The following PARVB variants were observed in gnomAD, a reference collection of about 807,000 sequenced individuals.
PARVB encodes the protein beta-parvin.
A neutral mutation model predicts 47.0 loss-of-function variants in PARVB; 46 were observed. The observed-to-expected ratio is 0.98, with a 90% CI of 0.77 to 1.25. The LOEUF is 1.25. Ranked by LOEUF, PARVB falls within the 50% of genes most tolerant of loss-of-function variation. The pLI is 0.00. For missense variants in PARVB, 473 were observed against 471.6 expected, an observed-to-expected ratio of 1.00 and a Z score of -0.03; for synonymous variants, 196 against 196.3, an observed-to-expected ratio of 1.00 and a Z score of 0.01.
At chr22:44,122,556 C>CAGAGAGAG (rs1569134550) in intron 4 of PARVB, among the ~76,000 whole-genome samples, 1 of 46,080 alleles carries the variant, frequency 2.2e-5, no homozygotes, top group Non-Finnish European at 4.3e-5. Context: ...GAGAGAGACA[C>CAGAGAGAG]AGAGACAGAG....
At chr22:44,053,443 C>T (rs2051248509) in intron 1 of PARVB, among the ~76,000 whole-genome samples, 1 of 152,210 alleles carries the variant, frequency 6.6e-6, no homozygotes, top group Non-Finnish European at 1.5e-5. Context: ...CTGCTGCTCC[C>T]TGTGGCTTTC....
chr22:44,016,227 G>A (rs879821400), intron 2 of PARVB, among the ~76,000 whole-genome samples: 56 of 151,822 alleles, frequency 3.7e-4, no homozygotes, highest in African/African-American at 1.2e-3. Flanking sequence ...CTCCCGAGTA[G>A]CTGGGACTAC....
At chr22:44,058,202 C>A (rs554582679) in intron 1 of PARVB, among the ~76,000 whole-genome samples, 1 of 152,314 alleles carries the variant, frequency 6.6e-6, no homozygotes, top group South Asian at 2.1e-4. Context: ...GACCAGAAGT[C>A]CAAGATCAAG....
intron 1 of PARVB, chr22:44,069,154 T>A: frequency 6.2e-7 from 1 of 1,612,440 alleles, no homozygotes; most frequent in Non-Finnish European, 8.5e-7. Context: ...AGCTGCACCC[T>A]CCTCGCCAGT....
chr22:44,054,359 C>A (rs576892065), intron 1 of PARVB, among the ~76,000 whole-genome samples: 1 of 152,156 alleles, frequency 6.6e-6, no homozygotes, highest in African/African-American at 2.4e-5. Context: ...GCACTACAGC[C>A]GCGCACTACA....
intron 1 of PARVB, among the ~76,000 whole-genome samples, chr22:44,042,967 C>T (rs759792327): frequency 4.6e-5 from 7 of 152,118 alleles, no homozygotes; most frequent in East Asian, 1.9e-4. Context: ...GGTTTACTGG[C>T]GCACTCTGTG....
upstream of PARVB, among the ~76,000 whole-genome samples, chr22:44,022,138 C>T (rs188273250): frequency 1.4e-3 from 211 of 152,194 alleles, no homozygotes; most frequent in Non-Finnish European, 3.1e-4. Context: ...TTTCCTCCAC[C>T]GTGCCTGCCT....
At chr22:44,129,521 G>T (rs914747494) in intron 4 of PARVB, among the ~76,000 whole-genome samples, 1 of 152,194 alleles carries the variant, frequency 6.6e-6, no homozygotes, top group Non-Finnish European at 1.5e-5. Flanking sequence ...CCTGGTGGGC[G>T]AGGCTCTCAG....
intron 1 of PARVB, among the ~76,000 whole-genome samples, chr22:44,054,990 CAAAAA>C (rs3083343): frequency 1.1e-4 from 8 of 70,098 alleles, no homozygotes; most frequent in African/African-American, 3.0e-4. Context: ...AACTCCATCT[CAAAAA>C]AAAAAAAAAA....
intron 9 of PARVB, 178 bp from the exon 10 acceptor site, chr22:44,151,305 G>A (rs2053802660): frequency 3.5e-6 from 2 of 573,278 alleles, no homozygotes; most frequent in Non-Finnish European, 6.3e-6. Flanking sequence ...ATTATGCCAT[G>A]AAAACTAGGG....
intron 1 of PARVB, among the ~76,000 whole-genome samples, chr22:44,077,602 T>C (rs1034417890): frequency 6.6e-6 from 1 of 152,128 alleles, no homozygotes. Flanking sequence ...TTACGAGTCC[T>C]GGCCAGGATG....
intron 10 of PARVB, chr22:44,153,239 T>C (rs1023909765): frequency 1.3e-5 from 2 of 152,212 alleles, no homozygotes; most frequent in African/African-American, 4.8e-5. Context: ...TTCCTTTCTC[T>C]TTTTCTGGAG....
chr22:44,032,969 C>T (rs755967741), intron 1 of PARVB, among the ~76,000 whole-genome samples: 37 of 152,164 alleles, frequency 2.4e-4, no homozygotes, highest in South Asian at 6.2e-4. Context: ...CATTGAGTGC[C>T]GTGCAACAGC....
rs1001725 is a variant in PARVB, at chr22:44,044,930, C to A, written c.112+20479C>A. Among the ~76,000 whole-genome samples the A allele has an allele frequency of 3.5e-3, 535 of 152,284 alleles. 2 individuals are homozygous for A. The highest frequency in any genetic ancestry group is 5.6e-3 in the Non-Finnish European group (378 of 68,010). On this transcript the variant is annotated intron_variant, in intron 1 of 12. Transcript: ENST00000338758. ...TGATATCTTCCTATAAGCACACTGA[C>A]GTTTGCTACTCTACTGTTCTTTCAT... is the stretch of plus-strand genomic sequence containing the variant.
intron 2 of PARVB, among the ~76,000 whole-genome samples, chr22:44,000,303 G>A (rs1408451949): frequency 6.6e-6 from 1 of 152,208 alleles, no homozygotes; most frequent in African/African-American, 2.4e-5. Flanking sequence ...CTCTTTGATT[G>A]TGATTCAGAC....
intron 7 of PARVB, among the ~76,000 whole-genome samples, chr22:44,137,329 TGCCCCAG>T (rs984093557): frequency 4.6e-5 from 7 of 152,296 alleles, no homozygotes; most frequent in African/African-American, 1.7e-4. Flanking sequence ...CCTCCCAGTC[TGCCCCAG>T]GCCCACGAAG....
rs1053520168 is a variant in PARVB, at chr22:44,041,701, T to C, written c.112+17250T>C. Among the ~76,000 whole-genome samples, 58 of 150,948 alleles carry C rather than the reference T, an allele frequency of 3.8e-4. 1 individual carries two copies. Among genetic ancestry groups the C allele is most frequent in the African/African-American group, 1.4e-3 (57 of 41,008 alleles). On this transcript the variant is annotated intron_variant, in intron 1 of 12. Transcript: ENST00000338758. ...GAGTTTGAGACCAGCCTAGGCTACATAGTGAGACCCCCTCTCTACCAAAAA... is the reference window on the plus strand; with the variant it reads ...GAGTTTGAGACCAGCCTAGGCTACACAGTGAGACCCCCTCTCTACCAAAAA...
chr22:44,024,457 T>TGCGCGC lies in PARVB; in HGVS notation c.112+7_112+12dup. The stretch of plus-strand genomic sequence containing the variant: ...GAAGCGGAGGGCGCGCGAGGGTGAG[T>TGCGCGC]GCGCGCCCGCGCCCGCCGACCCCCG... On this transcript the variant is annotated splice_region_variant and intron_variant, in intron 1 of 12. Coordinates refer to ENST00000338758, the MANE Select transcript of PARVB (RefSeq NM_013327.5). 1 of 1,120,498 alleles carries TGCGCGC rather than the reference T, an allele frequency of 8.9e-7. No homozygotes were observed. The highest frequency in any genetic ancestry group is 1.1e-6 in the Non-Finnish European group (1 of 908,720). 69.4% of individuals were successfully genotyped at this position (1,120,498 alleles called of 1,614,324 possible).
chr22:44,167,761 C>T (rs985821600), intron 12 of PARVB, among the ~76,000 whole-genome samples: 5 of 152,022 alleles, frequency 3.3e-5, no homozygotes, highest in African/African-American at 7.2e-5. Flanking sequence ...CCAAGCCCAC[C>T]GAGCTGAGTT....
Sources: gnomAD v4.1 joint callset for allele counts (sites outside exome capture counted in the v4.1 genomes callset) on GRCh38, gnomAD v4.1.1 for gene constraint, MANE v1.5 for transcripts, NCBI Gene and HGNC (gene_info 2026-07-23, HGNC 2026-07-21) for gene names.